The following KLHL29 variants were observed in gnomAD, a reference collection of about 807,000 sequenced individuals.
The protein encoded by KLHL29 is kelch-like protein 29.
KLHL29 carries 21 observed loss-of-function variants against 80.4 expected under a neutral mutation model. The ratio of observed to expected loss-of-function variants is 0.26; its 90% confidence interval spans 0.19 to 0.38. The LOEUF (loss-of-function observed/expected upper bound fraction) is 0.38, where lower values mean the gene tolerates loss of function less well. Ranked by LOEUF, KLHL29 falls within the 10% of genes least tolerant of loss-of-function variation. KLHL29 has a pLI of 1.00. For missense variants in KLHL29, 867 were observed against 1,223.9 expected (o/e 0.71, Z 4.35); for synonymous variants, 511 against 526.8 (o/e 0.97, Z 0.41).
At chr2:23,401,671 C>G (rs962726594) in intron 1 of KLHL29, among the ~76,000 whole-genome samples, 2 of 152,196 alleles carry the variant, frequency 1.3e-5, no homozygotes, top group African/African-American at 4.8e-5. Context: ...GCGATCTGCT[C>G]CTGCCTGAAG....
intron 1 of KLHL29, among the ~76,000 whole-genome samples, chr2:23,397,013 G>C (rs1188257785): frequency 6.6e-6 from 1 of 152,112 alleles, no homozygotes; most frequent in Non-Finnish European, 1.5e-5. Flanking sequence ...CTGGCCCCAG[G>C]TGTCTGACAA....
chr2:23,597,533 C>T (rs1266179654), intron 3 of KLHL29, among the ~76,000 whole-genome samples: 2 of 148,992 alleles, frequency 1.3e-5, no homozygotes, highest in African/African-American at 5.0e-5. Flanking sequence ...AAGTGATTCT[C>T]CTGCCTCAGC....
At chr2:23,387,904 T>C (rs1666225460) in intron 1 of KLHL29, among the ~76,000 whole-genome samples, 1 of 152,224 alleles carries the variant, frequency 6.6e-6, no homozygotes, top group Non-Finnish European at 1.5e-5. Context: ...TTAATAACTT[T>C]TCTGCACAAA....
rs572794606 is a variant in KLHL29 at position 23,532,019 on chromosome 2, G to C, written c.-45-30133G>C. 1.1e-4 allele frequency among the ~76,000 whole-genome samples: 17 copies of C among 152,294 alleles called. No homozygotes were observed. The Middle Eastern group carries it at 0.014, about 122-fold the overall frequency. On this transcript the variant is annotated intron_variant, in intron 2 of 13. Coordinates refer to ENST00000486442, the MANE Select transcript of KLHL29 (RefSeq NM_052920.2). ...ACGACCAAGGCCCAGTGGAAGCCTCGACGGCCCTTGACCATGGAAGCTGCC... is the reference window on the plus strand; with the variant it reads ...ACGACCAAGGCCCAGTGGAAGCCTCCACGGCCCTTGACCATGGAAGCTGCC...
intron 2 of KLHL29, among the ~76,000 whole-genome samples, chr2:23,517,403 C>T (rs181839825): frequency 3.4e-4 from 51 of 152,216 alleles, no homozygotes; most frequent in African/African-American, 1.2e-3. Context: ...ATTAGGTGGG[C>T]CTGGTGGCAC....
chr2:23,666,243 G>A (rs538171771), intron 5 of KLHL29, among the ~76,000 whole-genome samples: 1 of 152,332 alleles, frequency 6.6e-6, no homozygotes, highest in Non-Finnish European at 1.5e-5. Flanking sequence ...AGCAACTAGA[G>A]AAATCACAAG....
intron 3 of KLHL29, among the ~76,000 whole-genome samples, chr2:23,576,442 T>TA (rs1667845862): frequency 6.6e-6 from 1 of 152,232 alleles, no homozygotes; most frequent in African/African-American, 2.4e-5. Flanking sequence ...AGTGGCAACT[T>TA]GTCATCTGCT....
intron 3 of KLHL29, among the ~76,000 whole-genome samples, chr2:23,629,897 C>G (rs939745327): frequency 6.6e-6 from 1 of 152,184 alleles, no homozygotes; most frequent in Non-Finnish European, 1.5e-5. Flanking sequence ...GGAGCACTTC[C>G]ATGCTTGAGA....
At position 23,480,253 on chromosome 2, in the gene KLHL29, G is replaced by A. The variant is rs556761767; in HGVS notation, c.-46+4586G>A. On this transcript the variant is annotated intron_variant, in intron 2 of 13. Coordinates refer to ENST00000486442, the MANE Select transcript of KLHL29 (RefSeq NM_052920.2). ...TGTAATCCCAGCACTTTGGGAGGCC[G>A]AGGTGGGCGGATCACTTGAGGCCAG... 1.6e-4 allele frequency among the ~76,000 whole-genome samples: 24 copies of A among 152,298 alleles called. No homozygotes were observed. In the South Asian group the frequency reaches 2.9e-3, roughly 18 times the overall value.
chr2:23,414,057 A>G (rs1666927233), intron 1 of KLHL29, among the ~76,000 whole-genome samples: 2 of 152,202 alleles, frequency 1.3e-5, no homozygotes, highest in African/African-American at 2.4e-5. Context: ...AGTCCATTCC[A>G]TTAAAGGACT....
At chr2:23,402,240 C>A (rs964534867) in intron 1 of KLHL29, among the ~76,000 whole-genome samples, 1 of 152,130 alleles carries the variant, frequency 6.6e-6, no homozygotes, top group Admixed American at 6.5e-5. Flanking sequence ...AAAATGCAAA[C>A]CCTGTGGATT....
At chr2:23,391,907 C>T (rs1666331096) in intron 1 of KLHL29, among the ~76,000 whole-genome samples, 1 of 152,198 alleles carries the variant, frequency 6.6e-6, no homozygotes, top group Non-Finnish European at 1.5e-5. Context: ...TGATCTCATG[C>T]TTTCCTTGGG....
intron 1 of KLHL29, among the ~76,000 whole-genome samples, chr2:23,447,699 A>G (rs1663740322): frequency 6.6e-6 from 1 of 152,224 alleles, no homozygotes; most frequent in Admixed American, 6.5e-5. Flanking sequence ...CCCTTAGCCA[A>G]AATTCTGAAA....
At chr2:23,649,895 C>T (rs7581165) in intron 5 of KLHL29, among the ~76,000 whole-genome samples, 1 of 152,072 alleles carries the variant, frequency 6.6e-6, no homozygotes, top group Non-Finnish European at 1.5e-5. Flanking sequence ...CCGTGAGGTT[C>T]CAGGTCAGTG....
At chr2:23,550,906 CCCTGGG>C (rs1667106891) in intron 2 of KLHL29, among the ~76,000 whole-genome samples, 1 of 152,240 alleles carries the variant, frequency 6.6e-6, no homozygotes, top group Non-Finnish European at 1.5e-5. Flanking sequence ...TGAGAGGCGG[CCCTGGG>C]AGGGGGTAAG....
chr2:23,552,947 AC>A (rs1667167689), intron 2 of KLHL29, among the ~76,000 whole-genome samples: 1 of 151,300 alleles, frequency 6.6e-6, no homozygotes, highest in African/African-American at 2.4e-5. Flanking sequence ...TTTAGTAGAG[AC>A]GTGGTTTCAC....
intron 3 of KLHL29, among the ~76,000 whole-genome samples, chr2:23,633,730 A>T (rs1669529523): frequency 9.3e-6 from 1 of 107,486 alleles, no homozygotes; most frequent in African/African-American, 3.8e-5. Flanking sequence ...CGCATCTGAC[A>T]TCTCTGTCAA....
At chr2:23,595,585 G>A (rs1668375097) in intron 3 of KLHL29, among the ~76,000 whole-genome samples, 1 of 152,230 alleles carries the variant, frequency 6.6e-6, no homozygotes, top group Non-Finnish European at 1.5e-5. Context: ...GAAGGAGTGG[G>A]CAGGAAGGGT....
chr2:23,507,917 C>A (rs895762019), intron 2 of KLHL29, among the ~76,000 whole-genome samples: 2 of 152,182 alleles, frequency 1.3e-5, no homozygotes, highest in Non-Finnish European at 2.9e-5. Context: ...TACATGTTTG[C>A]CATAATGATT....
Sources: gnomAD v4.1 joint callset for allele counts (sites outside exome capture counted in the v4.1 genomes callset) on GRCh38, gnomAD v4.1.1 for gene constraint, MANE v1.5 for transcripts, NCBI Gene and HGNC (gene_info 2026-07-23, HGNC 2026-07-21) for gene names.